DOCK4: variants seen among roughly 807,000 people sequenced by gnomAD.
DOCK4 encodes dedicator of cytokinesis 4, also known as dedicator of cytokinesis protein 4.
DOCK4 carries 97 observed loss-of-function variants against 268.1 expected under a neutral mutation model. The observed-to-expected ratio is 0.36, with a 90% CI of 0.31 to 0.43. The LOEUF (loss-of-function observed/expected upper bound fraction) is 0.43. DOCK4 is among the 20% of genes least tolerant of loss of function. DOCK4 has a pLI of 1.00. For missense variants in DOCK4, 2,145 were observed against 2,455.7 expected, an observed-to-expected ratio of 0.87 and a Z score of 2.67; for synonymous variants, 954 against 887.2, an observed-to-expected ratio of 1.08 and a Z score of -1.34.
chr7:111,865,395 G>A (rs1464988725), intron 22 of DOCK4, among the ~76,000 whole-genome samples: 2 of 152,224 alleles, frequency 1.3e-5, no homozygotes, highest in African/African-American at 2.4e-5. Context: ...AAGGACTGTG[G>A]TGATGGCCTC....
chr7:112,085,887 C>CA (rs962417104), intron 1 of DOCK4, among the ~76,000 whole-genome samples: 9 of 151,614 alleles, frequency 5.9e-5, no homozygotes, highest in African/African-American at 2.2e-4. Flanking sequence ...ACATTTTTGC[C>CA]AAAAAAAGCA....
chr7:112,089,076 A>G (rs1245024851), intron 1 of DOCK4, among the ~76,000 whole-genome samples: 1 of 152,188 alleles, frequency 6.6e-6, no homozygotes, highest in Non-Finnish European at 1.5e-5. Flanking sequence ...TTTTAGATAT[A>G]CTGTGTTAAA....
chr7:111,953,390 T>C (rs1796209621), intron 8 of DOCK4, among the ~76,000 whole-genome samples: 1 of 152,128 alleles, frequency 6.6e-6, no homozygotes, highest in Non-Finnish European at 1.5e-5. Flanking sequence ...CTAGAGCCTC[T>C]CCCTAAAAGG....
intron 13 of DOCK4, among the ~76,000 whole-genome samples, chr7:111,906,536 G>T (rs1791584453): frequency 6.6e-6 from 1 of 152,098 alleles, no homozygotes; most frequent in African/African-American, 2.4e-5. Context: ...GGGTGGGCTG[G>T]GTGGCCCCTC....
At chr7:112,102,179 G>A (rs977755710) in intron 1 of DOCK4, among the ~76,000 whole-genome samples, 29 of 152,140 alleles carry the variant, frequency 1.9e-4, no homozygotes, top group African/African-American at 6.8e-4. Flanking sequence ...GATTGTTTAT[G>A]GATCTATCTG....
rs760611360 is a variant in DOCK4 at position 111,728,227 on chromosome 7, T to C, written c.*47A>G. 5.1e-6 allele frequency: 7 copies of C among 1,384,752 alleles called. No individual in the cohort carries two copies. In the African/African-American group the frequency reaches 5.8e-5, roughly 12 times the overall value. The allele number at this position is 1,384,752 out of a possible 1,614,324, so 85.8% of individuals were successfully genotyped here. The stretch of plus-strand genomic sequence containing the variant: ...AAATGTCTTCTCATCATACTTCTTA[T>C]TTTGTAAACGGGCAAAGAATGCATC... On this transcript the variant is annotated 3_prime_UTR_variant, in exon 53 of 53. Transcript: ENST00000428084.
chr7:112,128,340 A>C (rs1158662869), intron 1 of DOCK4, among the ~76,000 whole-genome samples: 1 of 151,206 alleles, frequency 6.6e-6, no homozygotes, highest in Non-Finnish European at 1.5e-5. Flanking sequence ...CCGGGAGGTG[A>C]GGGGCGCCTC....
chr7:111,906,281 G>T (rs1791561477), intron 13 of DOCK4, among the ~76,000 whole-genome samples: 1 of 152,060 alleles, frequency 6.6e-6, no homozygotes. Flanking sequence ...GACACAAATG[G>T]TGTCATCCAG....
chr7:111,918,215 C>T (rs1377280255), intron 12 of DOCK4, among the ~76,000 whole-genome samples: 6 of 152,178 alleles, frequency 3.9e-5, no homozygotes, highest in African/African-American at 9.7e-5. Context: ...ACGACATGAT[C>T]GTGTCCTCAC....
At chr7:111,785,185 G>A (rs1266728594) in intron 32 of DOCK4, among the ~76,000 whole-genome samples, 1 of 152,158 alleles carries the variant, frequency 6.6e-6, no homozygotes, top group Non-Finnish European at 1.5e-5. Flanking sequence ...AGTGGAAACT[G>A]CATATGGAAG....
intron 1 of DOCK4, among the ~76,000 whole-genome samples, chr7:112,176,203 C>T (rs1331239571): frequency 6.6e-6 from 1 of 152,130 alleles, no homozygotes. Flanking sequence ...CTTTCTCTTA[C>T]TGAGTGAAAG....
At chr7:111,760,514 C>G (rs1450055329) in intron 39 of DOCK4, among the ~76,000 whole-genome samples, 192 bp from the exon 40 acceptor site, 1 of 152,154 alleles carries the variant, frequency 6.6e-6, no homozygotes, top group Non-Finnish European at 1.5e-5. Flanking sequence ...AGTTCACTCT[C>G]TACTGCATTT....
At chr7:112,044,075 A>G (rs1318335402) in intron 1 of DOCK4, among the ~76,000 whole-genome samples, 3 of 150,506 alleles carry the variant, frequency 2.0e-5, no homozygotes, top group East Asian at 2.1e-4. Flanking sequence ...TATTATTATC[A>G]ATTGCAGTTT....
chr7:111,728,334 G>C lies in DOCK4; in HGVS notation c.5868C>G (p.Ala1956=). ...GCCGCGGGCCGGGGTCAGTCCTCCG[G>C]GCCCCATTCTCCAGGTGGCTGGATC... ...AARSSHLENG[A]RRTDPGPRPR... is the part of the protein sequence containing the mutation. The change falls in exon 53 of 53, where the codon GCC becomes GCG. Residue 1956 remains alanine, a synonymous_variant. Coordinates refer to ENST00000428084, the MANE Select transcript of DOCK4 (RefSeq NM_001363540.2). The C allele has an allele frequency of 6.6e-7, 1 of 1,518,874 alleles. No homozygotes were observed. Among genetic ancestry groups the C allele is most frequent in the African/African-American group, 1.4e-5 (1 of 71,852 alleles). 94.1% of individuals were successfully genotyped at this position (1,518,874 alleles called of 1,614,324 possible).
chr7:111,993,008 C>A (rs1390370030), intron 5 of DOCK4, among the ~76,000 whole-genome samples: 1 of 152,158 alleles, frequency 6.6e-6, no homozygotes, highest in Non-Finnish European at 1.5e-5. Context: ...TTGTTATTTA[C>A]AAAACCTATG....
intron 1 of DOCK4, among the ~76,000 whole-genome samples, chr7:112,120,253 G>A (rs987799592): frequency 1.3e-5 from 2 of 152,082 alleles, no homozygotes; most frequent in Admixed American, 1.3e-4. Flanking sequence ...ACTCTGAACA[G>A]TAAAAACATC....
chr7:111,913,313 T>A (rs1792288529), intron 13 of DOCK4, among the ~76,000 whole-genome samples: 1 of 151,858 alleles, frequency 6.6e-6, no homozygotes, highest in South Asian at 2.1e-4. Flanking sequence ...CTCAAGCCTA[T>A]CATCCAAGCA....
Position 111,778,128 on chromosome 7 carries a change from T to C in DOCK4, c.3679+148A>G, listed in dbSNP as rs1662725762. On this transcript the variant is annotated intron_variant, in intron 36 of 52. Coordinates refer to ENST00000428084, the MANE Select transcript of DOCK4 (RefSeq NM_001363540.2). ...TATCATGTATATGATATATATAGAA[T>C]CTGCAGAAATATATATCCAATTAAA... 6 of 564,508 alleles carry C rather than the reference T, an allele frequency of 1.1e-5. No individual in the cohort carries two copies. The South Asian group carries it at 1.5e-4, about 14-fold the overall frequency. 35.0% of individuals were successfully genotyped at this position (564,508 alleles called of 1,614,324 possible).
intron 11 of DOCK4, among the ~76,000 whole-genome samples, chr7:111,938,435 C>T (rs535672948): frequency 1.4e-4 from 21 of 152,236 alleles, no homozygotes; most frequent in African/African-American, 4.6e-4. Context: ...GAATGGAATA[C>T]GAAAGCCAGT....
Sources: allele counts gnomAD v4.1 joint callset (sites outside exome capture counted in the v4.1 genomes callset), GRCh38; gene constraint gnomAD v4.1.1; transcripts MANE v1.5; gene names NCBI Gene and HGNC (gene_info 2026-07-23, HGNC 2026-07-21).